The following LRMDA variants were observed in gnomAD, a reference collection of about 807,000 sequenced individuals.
LRMDA encodes the protein leucine-rich melanocyte differentiation-associated protein.
A neutral mutation model predicts 29.8 loss-of-function variants in LRMDA; 18 were observed. The observed-to-expected ratio is 0.60, with a 90% CI of 0.42 to 0.90. LRMDA has a LOEUF of 0.90. Ranked by LOEUF, LRMDA falls within the 40% of genes least tolerant of loss-of-function variation. The probability of loss-of-function intolerance (pLI) is 0.00; values close to 1 mark genes in which losing one functional copy is unlikely to be tolerated. For synonymous variants in LRMDA, 125 were observed against 109.4 expected, an observed-to-expected ratio of 1.14 and a Z score of -0.89; for missense variants, 273 against 273.9, an observed-to-expected ratio of 1.00 and a Z score of 0.02.
intron 5 of LRMDA, among the ~76,000 whole-genome samples, chr10:76,147,706 AGCTTTGTTCCG>A (rs1850355837): frequency 1.3e-5 from 2 of 152,090 alleles, no homozygotes; most frequent in Non-Finnish European, 2.9e-5. Flanking sequence ...TTCTCCATCC[AGCTTTGTTCCG>A]TTGCTGGTGA....
chr10:75,564,075 G>A (rs1840337980), intron 2 of LRMDA, among the ~76,000 whole-genome samples: 1 of 152,204 alleles, frequency 6.6e-6, no homozygotes, highest in Non-Finnish European at 1.5e-5. Context: ...GTCAGACAGG[G>A]ACATTTAAGT....
intron 5 of LRMDA, among the ~76,000 whole-genome samples, chr10:76,197,810 C>T (rs944536602): frequency 1.3e-5 from 2 of 151,992 alleles, no homozygotes; most frequent in Admixed American, 6.6e-5. Context: ...ATCCCAGCTA[C>T]TCGGGAGTCT....
At chr10:76,517,085 C>T (rs1339746597) in intron 6 of LRMDA, among the ~76,000 whole-genome samples, 1 of 151,944 alleles carries the variant, frequency 6.6e-6, no homozygotes, top group Non-Finnish European at 1.5e-5. Flanking sequence ...AATGGAAAGT[C>T]TAAGAGGTTA....
intron 2 of LRMDA, among the ~76,000 whole-genome samples, chr10:75,541,235 C>A (rs752078111): frequency 6.6e-6 from 1 of 152,104 alleles, no homozygotes; most frequent in Admixed American, 6.5e-5. Flanking sequence ...CGATTTGGAA[C>A]TAGCTAGCTG....
intron 2 of LRMDA, among the ~76,000 whole-genome samples, chr10:75,957,736 G>C (rs1468177366): frequency 6.6e-6 from 1 of 152,176 alleles, no homozygotes; most frequent in Non-Finnish European, 1.5e-5. Flanking sequence ...AAGTGCATGA[G>C]CGGGAGAGAG....
intron 5 of LRMDA, among the ~76,000 whole-genome samples, chr10:76,128,337 A>C (rs1377740629): frequency 2.0e-5 from 3 of 152,194 alleles, no homozygotes; most frequent in Admixed American, 1.3e-4. Flanking sequence ...CACAGATGGG[A>C]AACCCTGAGT....
intron 2 of LRMDA, among the ~76,000 whole-genome samples, chr10:75,839,543 C>CT (rs59061406): frequency 0.017 from 2,451 of 140,250 alleles, 52 homozygotes; most frequent in African/African-American, 0.048. Flanking sequence ...TTTATTTTTC[C>CT]TTTTTTTTTT....
chr10:75,618,502 C>A (rs1300036773), intron 2 of LRMDA, among the ~76,000 whole-genome samples: 2 of 93,150 alleles, frequency 2.1e-5, no homozygotes, highest in Admixed American at 1.4e-4. Context: ...TATATATCAA[C>A]CATATATATT....
At chr10:76,248,747 C>CT (rs35205519) in intron 5 of LRMDA, among the ~76,000 whole-genome samples, 6,178 of 152,282 alleles carry the variant, frequency 0.041, 415 homozygotes, top group African/African-American at 0.14. Flanking sequence ...AGGAACATCT[C>CT]TATCACATCT....
intron 6 of LRMDA, among the ~76,000 whole-genome samples, chr10:76,487,450 G>T (rs1245138104): frequency 6.6e-6 from 1 of 151,926 alleles, no homozygotes; most frequent in Non-Finnish European, 1.5e-5. Context: ...GAAGGGGTAT[G>T]TTAAAAGATG....
chr10:75,532,925 A>G (rs1034797314), intron 2 of LRMDA, among the ~76,000 whole-genome samples: 10 of 152,166 alleles, frequency 6.6e-5, no homozygotes, highest in Admixed American at 5.2e-4. Context: ...CAATTAAAAG[A>G]TGTTTGTCCT....
chr10:75,848,153 A>G (rs1328137613), intron 2 of LRMDA, among the ~76,000 whole-genome samples: 1 of 152,214 alleles, frequency 6.6e-6, no homozygotes, highest in Non-Finnish European at 1.5e-5. Flanking sequence ...CAGTAGGTAG[A>G]AGCAGCCCAA....
At chr10:75,647,848 C>T (rs1025096833) in intron 2 of LRMDA, among the ~76,000 whole-genome samples, 2 of 152,062 alleles carry the variant, frequency 1.3e-5, no homozygotes, top group African/African-American at 4.8e-5. Flanking sequence ...CTCTCTGGTC[C>T]CACTCCTGCC....
chr10:76,451,885 G>A (rs1475833378), intron 6 of LRMDA, among the ~76,000 whole-genome samples: 3 of 151,548 alleles, frequency 2.0e-5, no homozygotes, highest in South Asian at 2.1e-4. Context: ...TCGATCTCCC[G>A]ACCTCAGGTG....
At chr10:76,303,672 C>T (rs1313361576) in intron 5 of LRMDA, among the ~76,000 whole-genome samples, 1 of 150,966 alleles carries the variant, frequency 6.6e-6, no homozygotes, top group African/African-American at 2.4e-5. Context: ...AAATCTTCAC[C>T]GAGCTGGATG....
intron 5 of LRMDA, chr10:76,270,149 TACTTGTAGTCAG>T (rs1840049719): frequency 6.6e-6 from 1 of 152,242 alleles, no homozygotes; most frequent in African/African-American, 2.4e-5. Context: ...AATATTTTAA[TACTTGTAGTCAG>T]ACAATAGACA....
rs565190276 is a variant in LRMDA at position 76,344,904 on chromosome 10, A to C, written c.601+20419A>C. Among the ~76,000 whole-genome samples, 9 of 145,880 alleles carry C rather than the reference A, an allele frequency of 6.2e-5. No individual in the cohort carries two copies. The South Asian group carries it at 1.9e-3, about 31-fold the overall frequency. ...GCAAATGGATTAAAATTTTAAGTGA[A>C]AAAAAAAAAGAAATCATACAAGTAC... On this transcript the variant is annotated intron_variant, in intron 6 of 6. Coordinates refer to ENST00000611255, the MANE Select transcript of LRMDA (RefSeq NM_001305581.2).
At chr10:76,012,847 C>T (rs892165890) in intron 2 of LRMDA, among the ~76,000 whole-genome samples, 1 of 152,148 alleles carries the variant, frequency 6.6e-6, no homozygotes. Flanking sequence ...GCAGTCTCAA[C>T]AGGTCAGGAG....
At chr10:75,663,185 G>T (rs539401606) in intron 2 of LRMDA, among the ~76,000 whole-genome samples, 1 of 152,256 alleles carries the variant, frequency 6.6e-6, no homozygotes, top group African/African-American at 2.4e-5. Flanking sequence ...GACTCTTAGG[G>T]CAGGGATTGG....
Sources: gnomAD v4.1 joint callset for allele counts (sites outside exome capture counted in the v4.1 genomes callset) on GRCh38, gnomAD v4.1.1 for gene constraint, MANE v1.5 for transcripts, NCBI Gene and HGNC (gene_info 2026-07-23, HGNC 2026-07-21) for gene names.